Variants in TCTN2 observed in about 807,000 individuals in gnomAD.
The protein encoded by TCTN2 is tectonic-2.
A neutral mutation model predicts 83.4 loss-of-function variants in TCTN2; 66 were observed. That is an observed-to-expected ratio of 0.79 (90% CI 0.65 to 0.97). The LOEUF (loss-of-function observed/expected upper bound fraction) is 0.97, where lower values mean the gene tolerates loss of function less well. Among genes scored for constraint, TCTN2 ranks in the 50% least tolerant of loss-of-function variants. The probability of loss-of-function intolerance (pLI) is 0.00; values close to 1 mark genes in which losing one functional copy is unlikely to be tolerated. For missense variants in TCTN2, 794 were observed against 858.1 expected (o/e 0.93, Z 0.93); for synonymous variants, 301 against 326.7 (o/e 0.92, Z 0.85).
At position 123,672,147 on chromosome 12, in the gene TCTN2, A is replaced by T. The variant is rs1382290386; in HGVS notation, c.267+15A>T. ...TCCCCGGTGCGGTAAGGCCAGAAGT[A>T]AACCTTCTCTGTAGCCTGTGAAGAG... On this transcript the variant is annotated intron_variant, in intron 3 of 17. Transcript: ENST00000303372. The T allele has an allele frequency of 2.2e-5, 36 of 1,613,156 alleles. No homozygotes were observed. The highest frequency in any genetic ancestry group is 3.1e-5 in the Non-Finnish European group (36 of 1,179,082).
chr12:123,703,488 T>C (rs1157088628), intron 14 of TCTN2, among the ~76,000 whole-genome samples: 1 of 152,122 alleles, frequency 6.6e-6, no homozygotes, highest in Non-Finnish European at 1.5e-5. Flanking sequence ...GACTGATTTT[T>C]ATTTTTATTT....
intron 8 of TCTN2, among the ~76,000 whole-genome samples, chr12:123,692,051 C>T (rs928227535): frequency 1.3e-5 from 2 of 152,138 alleles, no homozygotes; most frequent in African/African-American, 4.8e-5. Flanking sequence ...CCCACCACCA[C>T]GCCCTGCTAA....
intron 6 of TCTN2, among the ~76,000 whole-genome samples, chr12:123,687,670 CAAAGT>C (rs10600469): frequency 0.37 from 54,136 of 148,150 alleles, 10,129 homozygotes; most frequent in Middle Eastern, 0.42. Flanking sequence ...CAAAACAAAA[CAAAGT>C]AAAGAGGCTG....
intron 11 of TCTN2, 47 bp downstream of exon 11, chr12:123,695,344 T>C (rs1161809349): frequency 4.0e-6 from 5 of 1,255,728 alleles, no homozygotes; most frequent in Non-Finnish European, 4.7e-6. Context: ...CATACTTTAG[T>C]TCAACACTCC....
intron 5 of TCTN2, among the ~76,000 whole-genome samples, chr12:123,681,265 A>AAAAAAAAAT (rs1955896417): frequency 6.6e-6 from 1 of 150,908 alleles, no homozygotes; most frequent in Non-Finnish European, 1.5e-5. Context: ...TCAAAAAAAA[A>AAAAAAAAAT]GAAAGAAAGA....
Position 123,686,974 on chromosome 12 carries a change from C to CT in TCTN2, c.704dup (p.Cys236ValfsTer29), listed in dbSNP as rs1355488319. 1 of 1,614,094 alleles carries CT rather than the reference C, an allele frequency of 6.2e-7. No individual in the cohort carries two copies. The highest frequency in any genetic ancestry group is 1.1e-5 in the South Asian group (1 of 91,082). On this transcript the variant is annotated frameshift_variant, in exon 6 of 18. Transcript: ENST00000303372. LOFTEE classifies it high-confidence loss of function. ...TGGTGTCCCCGATTGGTTTCCCTTT[C>CT]TGTGTGTGCAGTCCCCCCTTGCCAA... is the stretch of plus-strand genomic sequence containing the variant.
intron 5 of TCTN2, among the ~76,000 whole-genome samples, chr12:123,679,576 C>G (rs1482899808): frequency 6.6e-6 from 1 of 151,766 alleles, no homozygotes; most frequent in East Asian, 1.9e-4. Context: ...GTTGCTCAGG[C>G]TGGTCTCAAA....
At chr12:123,707,343 T>G in intron 17 of TCTN2, 1 of 613,604 alleles carries the variant, frequency 1.6e-6, no homozygotes, top group South Asian at 1.9e-5. Flanking sequence ...GCCTCCTGGG[T>G]TCAGACAACT....
At chr12:123,687,098 C>T in intron 6 of TCTN2, 63 bp downstream of exon 6, 2 of 1,568,670 alleles carry the variant, frequency 1.3e-6, no homozygotes, top group East Asian at 4.5e-5. Context: ...GGGCCATACT[C>T]TAGTAGGCCC....
At position 123,676,384 on chromosome 12, in the gene TCTN2, C is replaced by T. The variant is rs375688676; in HGVS notation, c.463+2574C>T. On this transcript the variant is annotated intron_variant, in intron 4 of 17. Transcript: ENST00000303372. The stretch of plus-strand genomic sequence containing the variant: ...GAGATCGAGACCATTCTGGCTAACA[C>T]GGTGAAACCCCGTCTCTACTAAAAA... Among the ~76,000 whole-genome samples, 296 of 151,734 alleles carry T rather than the reference C, an allele frequency of 2.0e-3. 4 individuals carry two copies. The highest frequency in any genetic ancestry group is 0.016 in the South Asian group (77 of 4,798).
At chr12:123,673,873 T>A in intron 4 of TCTN2, 63 bp downstream of exon 4, 1 of 1,535,226 alleles carries the variant, frequency 6.5e-7, no homozygotes, top group Non-Finnish European at 9.0e-7. Flanking sequence ...GAGGAAGAGG[T>A]AGGAGGATTG....
chr12:123,696,892 C>G (rs866288658), intron 12 of TCTN2, 195 bp from the exon 13 acceptor site: 12 of 580,454 alleles, frequency 2.1e-5, no homozygotes, highest in African/African-American at 7.5e-5. Context: ...GAAGAAACCA[C>G]CGCTCAGGAT....
intron 5 of TCTN2, among the ~76,000 whole-genome samples, chr12:123,680,059 A>G (rs552314668): frequency 6.6e-6 from 1 of 151,988 alleles, no homozygotes; most frequent in South Asian, 2.1e-4. Context: ...ATTTTTTTAA[A>G]TTTAAAAATT....
intron 4 of TCTN2, among the ~76,000 whole-genome samples, chr12:123,674,046 T>C (rs1358224924): frequency 1.3e-5 from 2 of 152,186 alleles, no homozygotes; most frequent in Non-Finnish European, 2.9e-5. Flanking sequence ...GTGTCAAGCT[T>C]ACCTGTTTGA....
At chr12:123,684,257 G>A (rs1304751049) in intron 5 of TCTN2, among the ~76,000 whole-genome samples, 1 of 151,924 alleles carries the variant, frequency 6.6e-6, no homozygotes, top group Non-Finnish European at 1.5e-5. Context: ...GGTTTTTTTG[G>A]TTGTTGTTTT....
Position 123,707,650 on chromosome 12 carries a change from G to A in TCTN2, c.2031G>A (p.Leu677=). The A allele has an allele frequency of 6.2e-7, 1 of 1,614,168 alleles. No homozygotes were observed. Among genetic ancestry groups the A allele is most frequent in the Non-Finnish European group, 8.5e-7 (1 of 1,180,026 alleles). Residue 677 remains leucine, a synonymous_variant, in exon 18 of 18, where the codon TTG becomes TTA. Transcript: ENST00000303372. ...TTGCTAAGGGCTTACTGTTGCTGTT[G>A]TTCCTCACATTGGCCTTGTTCCTCA... ...QCVAKGLLLL[L]FLTLALFLSN... is the part of the protein sequence containing the mutation.
chr12:123,700,442 T>G (rs1484749468), intron 14 of TCTN2, among the ~76,000 whole-genome samples: 1 of 151,864 alleles, frequency 6.6e-6, no homozygotes, highest in Non-Finnish European at 1.5e-5. Flanking sequence ...GTTTGGTTGG[T>G]TTTTTTTGAG....
At chr12:123,675,368 C>G (rs1197020485) in intron 4 of TCTN2, among the ~76,000 whole-genome samples, 1 of 152,170 alleles carries the variant, frequency 6.6e-6, no homozygotes, top group African/African-American at 2.4e-5. Context: ...TGTCCCCTGT[C>G]TCCGGTGGCG....
chr12:123,671,477 C>CTA (rs1566241353), intron 1 of TCTN2, 30 bp from the exon 2 acceptor site: 7 of 1,608,502 alleles, frequency 4.4e-6, no homozygotes, highest in African/African-American at 1.3e-5. Context: ...CACTGCTAAC[C>CTA]CCTCCTTGTC....
Sources: gnomAD v4.1 joint callset for allele counts (sites outside exome capture counted in the v4.1 genomes callset) on GRCh38, gnomAD v4.1.1 for gene constraint, MANE v1.5 for transcripts, NCBI Gene and HGNC (gene_info 2026-07-23, HGNC 2026-07-21) for gene names.